NEO1: variants seen among roughly 807,000 people sequenced by gnomAD.
NEO1 encodes neogenin 1.
NEO1 carries 63 observed loss-of-function variants against 159.7 expected under a neutral mutation model. That is an observed-to-expected ratio of 0.39 (90% CI 0.32 to 0.49). The LOEUF is 0.49. Ranked by LOEUF, NEO1 falls within the 20% of genes least tolerant of loss-of-function variation. The pLI is 0.85. For synonymous variants in NEO1, 633 were observed against 662.0 expected, an observed-to-expected ratio of 0.96 and a Z score of 0.67; for missense variants, 1,615 against 1,831.0, an observed-to-expected ratio of 0.88 and a Z score of 2.15.
Position 73,215,223 on chromosome 15 carries a change from A to G in NEO1, c.1292-21124A>G, listed in dbSNP as rs971809948. Among the ~76,000 whole-genome samples, 5 of 152,228 alleles carry G rather than the reference A, an allele frequency of 3.3e-5. No individual in the cohort carries two copies. The East Asian group carries it at 7.7e-4, about 23-fold the overall frequency. ...GCGTAAACTATCATATCATCAGCAA[A>G]CAGTGACAGTTTGACTTCCTCTTTA... On this transcript the variant is annotated intron_variant, in intron 7 of 28. Coordinates refer to ENST00000261908, the MANE Select transcript of NEO1 (RefSeq NM_002499.4).
intron 4 of NEO1, among the ~76,000 whole-genome samples, chr15:73,133,775 C>A (rs138960190): frequency 6.6e-6 from 1 of 152,156 alleles, no homozygotes; most frequent in East Asian, 1.9e-4. Flanking sequence ...TACTGTGAGC[C>A]ATGAACTAAT....
chr15:73,052,268 CGTGCGCGT>C (rs958664501), upstream of NEO1, among the ~76,000 whole-genome samples: 70 of 143,518 alleles, frequency 4.9e-4, no homozygotes, highest in Middle Eastern at 3.6e-3. Flanking sequence ...GAGGCGCGCG[CGTGCGCGT>C]GTGCGCGCCC....
At chr15:73,204,940 C>T (rs1046362726) in intron 7 of NEO1, among the ~76,000 whole-genome samples, 3 of 152,126 alleles carry the variant, frequency 2.0e-5, no homozygotes, top group Admixed American at 2.0e-4. Context: ...TTTGTTGTAG[C>T]TATAGGTTAT....
chr15:73,246,792 GT>G (rs2039817021), intron 9 of NEO1, among the ~76,000 whole-genome samples: 1 of 152,224 alleles, frequency 6.6e-6, no homozygotes, highest in South Asian at 2.1e-4. Context: ...AGGATCTGTA[GT>G]TTTCATTGTC....
rs968658033 is a variant in NEO1 at position 73,298,471 on chromosome 15, A to C, written c.4025A>C (p.Glu1342Ala). Residue 1342 changes from glutamate (E) to alanine (A), a missense_variant, in exon 27 of 29, where the codon GAA (glutamate) becomes GCA (alanine). By Grantham distance (107) the Glu-to-Ala change is moderately radical. Transcript: ENST00000261908. ...TCTTACTTGGCCAGCTCCCAAGAGG[A>C]AGATTCAGGCCAGAGTCTTCCCACT... ...SSSYLASSQE[E>A]DSGQSLPTAH... 15 of 1,614,180 alleles carry C rather than the reference A, an allele frequency of 9.3e-6. No individual in the cohort carries two copies. The highest frequency in any genetic ancestry group is 1.2e-5 in the Non-Finnish European group (14 of 1,180,034).
chr15:73,219,661 T>C (rs1479365235), intron 7 of NEO1, among the ~76,000 whole-genome samples: 7 of 134,424 alleles, frequency 5.2e-5, no homozygotes, highest in African/African-American at 1.7e-4. Context: ...TGAATTGATC[T>C]CTTTACCATT....
chr15:73,161,421 T>A (rs920119725), intron 5 of NEO1, among the ~76,000 whole-genome samples: 2 of 152,190 alleles, frequency 1.3e-5, no homozygotes, highest in African/African-American at 2.4e-5. Flanking sequence ...GCATCTATAG[T>A]TGTGCCTCCA....
intron 5 of NEO1, among the ~76,000 whole-genome samples, chr15:73,144,106 A>C (rs1309612099): frequency 6.6e-6 from 1 of 152,184 alleles, no homozygotes; most frequent in Non-Finnish European, 1.5e-5. Context: ...TTTCCTTTGC[A>C]CTTTGTTTTT....
intron 5 of NEO1, among the ~76,000 whole-genome samples, chr15:73,162,525 T>A (rs1411090551): frequency 6.6e-6 from 1 of 152,076 alleles, no homozygotes; most frequent in Non-Finnish European, 1.5e-5. Context: ...GCTGAGTAGC[T>A]GGGGTTATAG....
chr15:73,176,685 T>C (rs1468521892), intron 6 of NEO1, 128 bp downstream of exon 6: 2 of 630,662 alleles, frequency 3.2e-6, no homozygotes, highest in Non-Finnish European at 5.0e-6. Context: ...AGAATTCACA[T>C]AGAATGTAAT....
At chr15:73,091,868 C>G (rs2069714024) in intron 1 of NEO1, among the ~76,000 whole-genome samples, 1 of 151,346 alleles carries the variant, frequency 6.6e-6, no homozygotes, top group South Asian at 2.1e-4. Context: ...CTCAAGTGAT[C>G]CTCCCACCTC....
At chr15:73,198,539 T>A (rs946922361) in intron 7 of NEO1, among the ~76,000 whole-genome samples, 29 of 152,122 alleles carry the variant, frequency 1.9e-4, no homozygotes, top group East Asian at 1.2e-3. Flanking sequence ...TTTTTTTTTT[T>A]ATTTGAATTT....
intron 15 of NEO1, among the ~76,000 whole-genome samples, chr15:73,263,283 T>C (rs566125405): frequency 6.8e-6 from 1 of 147,126 alleles, no homozygotes; most frequent in East Asian, 2.2e-4. Context: ...AACCTCCACC[T>C]CCTGGGTTCA....
intron 8 of NEO1, among the ~76,000 whole-genome samples, chr15:73,243,759 A>T (rs1218376905): frequency 2.0e-5 from 3 of 152,232 alleles, no homozygotes; most frequent in Non-Finnish European, 4.4e-5. Context: ...TCAGCTTCAA[A>T]ATCAATGAAG....
intron 21 of NEO1, among the ~76,000 whole-genome samples, chr15:73,275,830 T>G (rs1219377211): frequency 6.6e-6 from 1 of 152,216 alleles, no homozygotes; most frequent in Admixed American, 6.5e-5. Flanking sequence ...CAGCTAATGC[T>G]AGTATGTTTT....
At chr15:73,132,631 A>G (rs976296354) in intron 4 of NEO1, among the ~76,000 whole-genome samples, 1 of 152,212 alleles carries the variant, frequency 6.6e-6, no homozygotes, top group African/African-American at 2.4e-5. Context: ...TTCACAATCT[A>G]TACATCTGAC....
At chr15:73,098,857 T>C (rs542201691) in intron 1 of NEO1, among the ~76,000 whole-genome samples, 2 of 152,334 alleles carry the variant, frequency 1.3e-5, no homozygotes, top group East Asian at 3.9e-4. Context: ...ATGCACTATT[T>C]TGCATTTCCA....
intron 2 of NEO1, among the ~76,000 whole-genome samples, chr15:73,119,045 C>T (rs1365265298): frequency 1.3e-5 from 2 of 151,812 alleles, no homozygotes; most frequent in African/African-American, 4.8e-5. Context: ...TTTGTCAGTT[C>T]CTCAAAATGT....
At chr15:73,190,730 A>G (rs1401942753) in intron 7 of NEO1, among the ~76,000 whole-genome samples, 1 of 150,704 alleles carries the variant, frequency 6.6e-6, no homozygotes, top group East Asian at 1.9e-4. Flanking sequence ...TTGTAACGGT[A>G]ATTATAACTT....
Sources: allele counts gnomAD v4.1 joint callset (sites outside exome capture counted in the v4.1 genomes callset), GRCh38; gene constraint gnomAD v4.1.1; transcripts MANE v1.5; gene names NCBI Gene and HGNC (gene_info 2026-07-23, HGNC 2026-07-21).